The following TPO variants were observed in gnomAD, a reference collection of about 807,000 sequenced individuals.
TPO encodes the protein thyroid peroxidase.
In TPO, 78 loss-of-function variants were observed where a neutral mutation model predicts 96.9. That is an observed-to-expected ratio of 0.81 (90% CI 0.67 to 0.97). The LOEUF (loss-of-function observed/expected upper bound fraction) is 0.97, where lower values mean the gene tolerates loss of function less well. Among genes scored for constraint, TPO ranks in the 50% least tolerant of loss-of-function variants. The pLI, the probability that TPO is intolerant of heterozygous loss-of-function variation, is 0.00. For missense variants in TPO, 1,252 were observed against 1,274.8 expected (o/e 0.98, Z 0.27); for synonymous variants, 547 against 538.0 (o/e 1.02, Z -0.23).
At chr2:1,499,123 A>G (rs1490215321) in intron 13 of TPO, among the ~76,000 whole-genome samples, 1 of 152,154 alleles carries the variant, frequency 6.6e-6, no homozygotes, top group Non-Finnish European at 1.5e-5. Context: ...AGGTGCAAAT[A>G]AAAGATGGGT....
chr2:1,433,474 G>A lies in TPO; in HGVS notation c.216G>A (p.Gln72=), dbSNP rs542613060. 6.2e-7 allele frequency: 1 copy of A among 1,614,194 alleles called. No individual in the cohort carries two copies. Among genetic ancestry groups the A allele is most frequent in the Admixed American group, 1.7e-5 (1 of 60,020 alleles). The change falls in exon 4 of 17, where the codon CAG becomes CAA. Residue 72 remains glutamine, a synonymous_variant. Transcript: ENST00000329066. ...AAAGAGGAATCCTTTCTCCAGCTCA[G>A]CTTCTGTCTTTTTCCAAACTTCCTG... ...LKKRGILSPA[Q]LLSFSKLPEP...
chr2:1,452,740 T>C (rs28909403), intron 5 of TPO, among the ~76,000 whole-genome samples: 2,694 of 152,328 alleles, frequency 0.018, 77 homozygotes, highest in African/African-American at 0.062. Flanking sequence ...AAACAAAATA[T>C]TGGAAAATAC....
rs1165127501 is a variant in TPO at position 1,477,503 on chromosome 2, G to A, written c.1237G>A (p.Glu413Lys). 28 of 1,531,608 alleles carry A rather than the reference G, an allele frequency of 1.8e-5. No homozygotes were observed. Among genetic ancestry groups the A allele is most frequent in the Non-Finnish European group, 2.4e-5 (27 of 1,144,510 alleles). The allele number at this position is 1,531,608 out of a possible 1,614,324, so 94.9% of individuals were successfully genotyped here. The stretch of plus-strand genomic sequence containing the variant: ...GGCACTGCACACGCTGTGGCTGCGC[G>A]AGCACAACCGCCTGGCCGCGGCGCT... ...LTALHTLWLR[E>K]HNRLAAALKA... Residue 413 changes from glutamate (E) to lysine (K), a missense_variant, in exon 8 of 17, where the codon GAG becomes AAG. By Grantham distance (56) the Glu-to-Lys change is moderately conservative (BLOSUM62 1). Transcript: ENST00000329066.
At chr2:1,378,052 G>A (rs1270662106) in intron 1 of TPO, among the ~76,000 whole-genome samples, 2 of 152,160 alleles carry the variant, frequency 1.3e-5, no homozygotes, top group East Asian at 1.9e-4. Flanking sequence ...GGGAAACCCC[G>A]TTTGCTTGGT....
intron 1 of TPO, among the ~76,000 whole-genome samples, chr2:1,390,858 T>G (rs1220369374): frequency 6.6e-6 from 1 of 152,238 alleles, no homozygotes; most frequent in Non-Finnish European, 1.5e-5. Context: ...GTTCATATCC[T>G]TTGCCTACTT....
At position 1,442,191 on chromosome 2, in the gene TPO, T is replaced by C. The variant is rs182594211; in HGVS notation, c.482+5807T>C. 2.6e-4 allele frequency among the ~76,000 whole-genome samples: 39 copies of C among 152,302 alleles called. No individual in the cohort carries two copies. The East Asian group carries it at 6.8e-3, about 26-fold the overall frequency. ...TTCTTCTCAGACTCAGGTATGTCTTTATCAGCAGCATGAAAACAGACTAAT... is the reference window on the plus strand; with the variant it reads ...TTCTTCTCAGACTCAGGTATGTCTTCATCAGCAGCATGAAAACAGACTAAT... On this transcript the variant is annotated intron_variant, in intron 5 of 16. Coordinates refer to ENST00000329066, the MANE Select transcript of TPO (RefSeq NM_001206744.2).
At chr2:1,524,264 TCAAATCTCCTCACA>T (rs1675902148) in intron 15 of TPO, among the ~76,000 whole-genome samples, 2 of 79,356 alleles carry the variant, frequency 2.5e-5, no homozygotes, top group African/African-American at 9.9e-5. Flanking sequence ...TGCAACCTCC[TCAAATCTCCTCACA>T]GTGAGCAACC....
chr2:1,441,222 C>T (rs1194301650), intron 5 of TPO, among the ~76,000 whole-genome samples: 2 of 152,194 alleles, frequency 1.3e-5, no homozygotes, highest in Non-Finnish European at 2.9e-5. Flanking sequence ...GTAGTCAGTG[C>T]CGCAGGAGCT....
intron 5 of TPO, among the ~76,000 whole-genome samples, chr2:1,445,238 C>T (rs1469439887): frequency 2.9e-5 from 4 of 139,452 alleles, no homozygotes; most frequent in African/African-American, 8.0e-5. Context: ...AGGGAATGGG[C>T]AGGCTCCTTC....
chr2:1,493,744 T>C, intron 10 of TPO, 58 bp from the exon 11 acceptor site: 9 of 1,596,846 alleles, frequency 5.6e-6, no homozygotes, highest in Non-Finnish European at 2.6e-6. Flanking sequence ...ATGAGTGAGA[T>C]GGGCTGAACA....
chr2:1,379,029 T>C lies in TPO; in HGVS notation n.180+4627T>C, dbSNP rs573870661. Among the ~76,000 whole-genome samples the C allele has an allele frequency of 2.6e-5, 4 of 152,270 alleles. No individual in the cohort carries two copies. The South Asian group carries it at 8.3e-4, about 32-fold the overall frequency. Reference sequence around the variant, plus strand: ...AAGCCAAATAAACTTAGATTTGTTTTATTTCATTTAAAGAGTGAAGGCCCC... The same window carrying C: ...AAGCCAAATAAACTTAGATTTGTTTCATTTCATTTAAAGAGTGAAGGCCCC... On this transcript the variant is annotated intron_variant and non_coding_transcript_variant, in intron 1 of 5. Transcript: ENST00000497517.
intron 5 of TPO, among the ~76,000 whole-genome samples, chr2:1,439,904 C>T (rs1019521001): frequency 4.6e-5 from 7 of 152,178 alleles, no homozygotes; most frequent in African/African-American, 1.7e-4. Context: ...TGTGTCTCTG[C>T]CTCCCCGATC....
In TPO at chr2:1,540,209, T is replaced by G. The variant is rs552265421; in HGVS notation, c.2619-385T>G. 7.2e-5 allele frequency among the ~76,000 whole-genome samples: 11 copies of G among 152,180 alleles called. No individual in the cohort carries two copies. The East Asian group carries it at 2.1e-3, about 30-fold the overall frequency. On this transcript the variant is annotated intron_variant, in intron 15 of 16. Coordinates refer to ENST00000329066, the MANE Select transcript of TPO (RefSeq NM_001206744.2). ...AAGATGCTGTTGGGCCCTTTGCCTGTACAGGGATGGCGCCCGACCCAGGAA... is the reference window on the plus strand; with the variant it reads ...AAGATGCTGTTGGGCCCTTTGCCTGGACAGGGATGGCGCCCGACCCAGGAA...
chr2:1,499,204 G>GACCT (rs2124966818), intron 13 of TPO, among the ~76,000 whole-genome samples: 2 of 152,112 alleles, frequency 1.3e-5, no homozygotes, highest in East Asian at 3.9e-4. Context: ...GCTGCCCCCT[G>GACCT]TGCGCGTGCC....
intron 5 of TPO, among the ~76,000 whole-genome samples, chr2:1,449,517 A>T (rs1473145122): frequency 6.6e-6 from 1 of 152,176 alleles, no homozygotes; most frequent in African/African-American, 2.4e-5. Context: ...CTGTAGATTG[A>T]AAGTTCAATT....
chr2:1,510,336 G>C (rs927873513), intron 14 of TPO, among the ~76,000 whole-genome samples: 5 of 152,168 alleles, frequency 3.3e-5, no homozygotes, highest in Non-Finnish European at 7.3e-5. Context: ...GGGCATTTAC[G>C]TCAAGACTGC....
intron 1 of TPO, among the ~76,000 whole-genome samples, chr2:1,404,717 C>A (rs1451146314): frequency 6.6e-6 from 1 of 152,314 alleles, no homozygotes; most frequent in Admixed American, 6.5e-5. Context: ...GTGGTTTAAA[C>A]CACCCAGTCT....
At chr2:1,463,116 G>A (rs1461308353) in intron 7 of TPO, among the ~76,000 whole-genome samples, 1 of 152,182 alleles carries the variant, frequency 6.6e-6, no homozygotes, top group Admixed American at 6.5e-5. Context: ...ACACCTGCGT[G>A]CCCGTGGGTG....
intron 14 of TPO, 100 bp downstream of exon 14, chr2:1,504,179 T>C (rs1348537038): frequency 2.1e-5 from 34 of 1,593,366 alleles, no homozygotes; most frequent in Non-Finnish European, 2.8e-5. Flanking sequence ...ACCATCTTGA[T>C]TGGGAAGGGC....
Sources: allele counts gnomAD v4.1 joint callset (sites outside exome capture counted in the v4.1 genomes callset), GRCh38; gene constraint gnomAD v4.1.1; transcripts MANE v1.5; gene names NCBI Gene and HGNC (gene_info 2026-07-23, HGNC 2026-07-21).